The following GOLM2 variants were observed in gnomAD, a reference collection of about 807,000 sequenced individuals.
GOLM2 encodes the protein golgi membrane protein 2.
GOLM2 carries 26 observed loss-of-function variants against 55.9 expected under a neutral mutation model. The ratio of observed to expected loss-of-function variants is 0.47; its 90% CI spans 0.34 to 0.65. The LOEUF (loss-of-function observed/expected upper bound fraction) is 0.65, where lower values mean the gene tolerates loss of function less well. Ranked by LOEUF, GOLM2 falls within the 30% of genes least tolerant of loss-of-function variation. The probability of loss-of-function intolerance (pLI) is 0.01; values close to 1 mark genes in which losing one functional copy is unlikely to be tolerated. For missense variants in GOLM2, 486 were observed against 531.8 expected (o/e 0.91, Z 0.85); for synonymous variants, 165 against 194.6 (o/e 0.85, Z 1.27).
chr15:44,301,411 A>G (rs1480095698), intron 1 of GOLM2, among the ~76,000 whole-genome samples: 2 of 151,996 alleles, frequency 1.3e-5, no homozygotes, highest in Non-Finnish European at 2.9e-5. Context: ...TCCATCTTTA[A>G]CCCCATTTTA....
intron 9 of GOLM2, chr15:44,409,933 TC>T (rs1041426579): frequency 3.6e-4 from 52 of 146,284 alleles, no homozygotes; most frequent in African/African-American, 1.2e-3. Flanking sequence ...AAAAAAAAAA[TC>T]CCAAAAAGTA....
At chr15:44,296,317 G>A (rs1464923451) in intron 1 of GOLM2, among the ~76,000 whole-genome samples, 2 of 151,918 alleles carry the variant, frequency 1.3e-5, no homozygotes, top group Non-Finnish European at 2.9e-5. Context: ...CTGTTAGAAT[G>A]TAGAAAAAGT....
chr15:44,386,432 A>G (rs984003015), intron 8 of GOLM2, among the ~76,000 whole-genome samples: 4 of 152,198 alleles, frequency 2.6e-5, no homozygotes, highest in Admixed American at 1.3e-4. Flanking sequence ...TTTCATTGCT[A>G]TAACTTTGTA....
chr15:44,367,890 T>A (rs1248723448), intron 6 of GOLM2, among the ~76,000 whole-genome samples: 1 of 152,194 alleles, frequency 6.6e-6, no homozygotes, highest in African/African-American at 2.4e-5. Flanking sequence ...GTGTGTTTTT[T>A]CTCTAGATGC....
Position 44,328,582 on chromosome 15 carries a change from A to C in GOLM2, c.383-103A>C, listed in dbSNP as rs1379190543. 1.4e-5 allele frequency: 9 copies of C among 644,226 alleles called. No homozygotes were observed. In the Admixed American group the frequency reaches 2.2e-4, roughly 16 times the overall value. The allele number at this position is 644,226 out of a possible 1,614,324, so 39.9% of individuals were successfully genotyped here. A position where few individuals can be genotyped will look rare whatever the true frequency, so the allele number is the denominator to read the frequency against. On this transcript the variant is annotated intron_variant, in intron 2 of 9. Coordinates refer to ENST00000299957, the MANE Select transcript of GOLM2 (RefSeq NM_138423.4). Reference sequence around the variant, plus strand: ...AATTTCCTGGGAGTATTACTAAAGAAATTGAGAATTATGTATAATTAAAAA... The same window carrying C: ...AATTTCCTGGGAGTATTACTAAAGACATTGAGAATTATGTATAATTAAAAA...
At chr15:44,340,000 T>C (rs1291630183) in intron 6 of GOLM2, among the ~76,000 whole-genome samples, 1 of 151,744 alleles carries the variant, frequency 6.6e-6, no homozygotes, top group African/African-American at 2.4e-5. Flanking sequence ...TTATAGTTTT[T>C]TTGTAGAGAT....
intron 1 of GOLM2, among the ~76,000 whole-genome samples, chr15:44,309,592 A>C (rs1382550532): frequency 6.6e-6 from 1 of 152,198 alleles, no homozygotes; most frequent in Non-Finnish European, 1.5e-5. Context: ...AAGCCAGTCA[A>C]ATTTAGCAGT....
intron 1 of GOLM2, among the ~76,000 whole-genome samples, chr15:44,306,719 T>C (rs2078839810): frequency 2.0e-5 from 3 of 152,134 alleles, no homozygotes; most frequent in Admixed American, 1.3e-4. Context: ...CACTTAGAGG[T>C]CATTGTAGTA....
intron 8 of GOLM2, among the ~76,000 whole-genome samples, chr15:44,395,568 G>A (rs1049605546): frequency 6.6e-6 from 1 of 151,524 alleles, no homozygotes; most frequent in African/African-American, 2.4e-5. Context: ...AGGGCCGGGT[G>A]CGGTGGCTAA....
At chr15:44,325,995 G>A (rs2078978224) in intron 2 of GOLM2, among the ~76,000 whole-genome samples, 1 of 152,120 alleles carries the variant, frequency 6.6e-6, no homozygotes, top group Admixed American at 6.5e-5. Context: ...TGGGCACGGT[G>A]GCTCACGCTT....
At chr15:44,401,091 T>C (rs1595668282) in intron 8 of GOLM2, among the ~76,000 whole-genome samples, 1 of 152,174 alleles carries the variant, frequency 6.6e-6, no homozygotes, top group East Asian at 1.9e-4. Context: ...TCCATTGCAA[T>C]GTAAATTTTA....
At chr15:44,334,006 C>T (rs533339019) in intron 4 of GOLM2, among the ~76,000 whole-genome samples, 7 of 152,260 alleles carry the variant, frequency 4.6e-5, no homozygotes, top group African/African-American at 7.2e-5. Context: ...TGAGGCACCA[C>T]GCCCGGCCGC....
intron 6 of GOLM2, among the ~76,000 whole-genome samples, chr15:44,340,313 G>C (rs191475248): frequency 6.6e-6 from 1 of 151,886 alleles, no homozygotes; most frequent in African/African-American, 2.4e-5. Context: ...TCATTCTGTT[G>C]CCCAGGCTAG....
intron 6 of GOLM2, among the ~76,000 whole-genome samples, chr15:44,350,776 AT>A (rs1279021794): frequency 2.6e-5 from 4 of 152,224 alleles, no homozygotes; most frequent in African/African-American, 9.6e-5. Context: ...ATCATGTATC[AT>A]TGAACAAGTG....
At chr15:44,302,589 C>T (rs1207110849) in intron 1 of GOLM2, among the ~76,000 whole-genome samples, 1 of 151,914 alleles carries the variant, frequency 6.6e-6, no homozygotes, top group African/African-American at 2.4e-5. Flanking sequence ...CTCCTAGATT[C>T]AATCGAGCTT....
intron 6 of GOLM2, among the ~76,000 whole-genome samples, chr15:44,368,135 AATTT>A (rs991863630): frequency 1.3e-5 from 2 of 151,152 alleles, no homozygotes; most frequent in African/African-American, 2.4e-5. Flanking sequence ...ACATTTTTAA[AATTT>A]ATTTATTTAT....
At chr15:44,304,912 C>G (rs546243195) in intron 1 of GOLM2, among the ~76,000 whole-genome samples, 29 of 152,350 alleles carry the variant, frequency 1.9e-4, no homozygotes, top group African/African-American at 7.0e-4. Context: ...CCACTGAAGT[C>G]TTGAATCCCC....
chr15:44,360,208 A>G (rs2079227669), intron 6 of GOLM2, among the ~76,000 whole-genome samples: 1 of 151,976 alleles, frequency 6.6e-6, no homozygotes, highest in South Asian at 2.1e-4. Flanking sequence ...AACAATATTA[A>G]CTTTAAATGT....
Position 44,338,283 on chromosome 15 carries a change from G to A in GOLM2, c.768G>A (p.Glu256=). The part of the protein sequence containing the change: ...GGDAGMPGIE[E]NDLAKVDDLP... ...ATGCAGGGATGCCTGGAATAGAAGA[G>A]AATGACCTAGCAAAAGTTGATGATC... The change falls in exon 6 of 10, where the codon GAG becomes GAA. Residue 256 remains glutamate, a synonymous_variant. Coordinates refer to ENST00000299957, the MANE Select transcript of GOLM2 (RefSeq NM_138423.4). 1.2e-6 allele frequency: 2 copies of A among 1,613,816 alleles called. No individual in the cohort carries two copies. The highest frequency in any genetic ancestry group is 2.2e-5 in the South Asian group (2 of 91,056).
Sources: gnomAD v4.1 joint callset for allele counts (sites outside exome capture counted in the v4.1 genomes callset) on GRCh38, gnomAD v4.1.1 for gene constraint, MANE v1.5 for transcripts, NCBI Gene and HGNC (gene_info 2026-07-23, HGNC 2026-07-21) for gene names.